The following RBM6 variants were observed in gnomAD, a reference collection of about 807,000 sequenced individuals.
RBM6 encodes the protein RNA-binding protein 6.
RBM6 carries 23 observed loss-of-function variants against 140.4 expected under a neutral mutation model. The observed-to-expected ratio is 0.16, with a 90% CI of 0.12 to 0.23. The LOEUF is 0.23. RBM6 is among the 10% of genes least tolerant of loss of function. RBM6 has a pLI of 1.00. For missense variants in RBM6, 1,139 were observed against 1,386.7 expected, an observed-to-expected ratio of 0.82 and a Z score of 2.84; for synonymous variants, 439 against 475.6, an observed-to-expected ratio of 0.92 and a Z score of 1.00.
chr3:49,992,664 T>C (rs2108713079), intron 5 of RBM6, among the ~76,000 whole-genome samples: 1 of 152,380 alleles, frequency 6.6e-6, no homozygotes, highest in Non-Finnish European at 1.5e-5. Context: ...ACTAAGAAGC[T>C]ACTTTTCTTG....
chr3:50,003,136 A>G (rs1218673493), intron 6 of RBM6, among the ~76,000 whole-genome samples: 1 of 151,870 alleles, frequency 6.6e-6, no homozygotes, highest in African/African-American at 2.4e-5. Flanking sequence ...AAAATTGAAT[A>G]AATAAATAAA....
chr3:50,005,022 G>T (rs2086510418), intron 6 of RBM6, among the ~76,000 whole-genome samples: 1 of 152,138 alleles, frequency 6.6e-6, no homozygotes, highest in Admixed American at 6.5e-5. Context: ...TTTAAACATT[G>T]ACTTTTTCTG....
At chr3:50,039,708 TAGTTGG>T (rs2088768123) in intron 6 of RBM6, among the ~76,000 whole-genome samples, 1 of 152,180 alleles carries the variant, frequency 6.6e-6, no homozygotes, top group African/African-American at 2.4e-5. Flanking sequence ...TGAGTGCTAA[TAGTTGG>T]AGTTTATAAA....
intron 20 of RBM6, 88 bp from the exon 21 acceptor site, chr3:50,076,920 A>C: frequency 7.4e-7 from 1 of 1,357,394 alleles, no homozygotes; most frequent in Non-Finnish European, 9.9e-7. Flanking sequence ...ACTGCTTCTT[A>C]CTAGTCCAGA....
chr3:49,982,321 G>T (rs563357051), intron 5 of RBM6, among the ~76,000 whole-genome samples: 2 of 130,666 alleles, frequency 1.5e-5, no homozygotes, highest in Non-Finnish European at 3.1e-5. Flanking sequence ...TTGTTGCCCA[G>T]GCTGCCCTTG....
intron 1 of RBM6, among the ~76,000 whole-genome samples, chr3:49,955,860 C>CTCTCTCTG (rs1553637396): frequency 4.4e-4 from 64 of 145,580 alleles, no homozygotes; most frequent in Middle Eastern, 3.4e-3. Flanking sequence ...CTCTCTCTCT[C>CTCTCTCTG]TGTGTGTGTG....
At chr3:50,004,474 A>ATTT (rs1182296633) in intron 6 of RBM6, among the ~76,000 whole-genome samples, 6 of 103,332 alleles carry the variant, frequency 5.8e-5, no homozygotes, top group African/African-American at 1.9e-4. Context: ...ACAGCTGGCT[A>ATTT]TTTTTTTTTT....
At chr3:50,001,544 A>G (rs1014228720) in intron 6 of RBM6, among the ~76,000 whole-genome samples, 3 of 152,174 alleles carry the variant, frequency 2.0e-5, no homozygotes, top group Non-Finnish European at 2.9e-5. Flanking sequence ...ATGTTGGAGG[A>G]TGTGTGTAGG....
chr3:49,991,151 T>G (rs1445771821), intron 5 of RBM6, among the ~76,000 whole-genome samples: 2 of 152,180 alleles, frequency 1.3e-5, no homozygotes, highest in Non-Finnish European at 2.9e-5. Context: ...TGTTTATCAG[T>G]TTTTTATAAA....
intron 1 of RBM6, among the ~76,000 whole-genome samples, 170 bp from the exon 2 acceptor site, chr3:49,962,406 T>C (rs914709402): frequency 1.3e-5 from 2 of 150,494 alleles, no homozygotes; most frequent in Admixed American, 1.3e-4. Flanking sequence ...CACTCCAGCC[T>C]GGGCGACAGA....
intron 6 of RBM6, among the ~76,000 whole-genome samples, chr3:50,000,626 T>G (rs1012534072): frequency 2.6e-5 from 4 of 151,854 alleles, no homozygotes; most frequent in Non-Finnish European, 5.9e-5. Context: ...TCCATGTTGG[T>G]CAGGCTGCTC....
chr3:50,056,872 T>C (rs2089723929), intron 8 of RBM6, among the ~76,000 whole-genome samples: 1 of 152,188 alleles, frequency 6.6e-6, no homozygotes. Context: ...ATTATGTTTA[T>C]TTGCATATAA....
intron 6 of RBM6, among the ~76,000 whole-genome samples, chr3:50,000,952 T>C (rs920609264): frequency 6.6e-6 from 1 of 152,162 alleles, no homozygotes; most frequent in East Asian, 1.9e-4. Flanking sequence ...CCTTATCTTG[T>C]TAGTAGTTTA....
intron 5 of RBM6, among the ~76,000 whole-genome samples, chr3:49,990,540 A>G (rs1005588670): frequency 2.6e-5 from 4 of 152,222 alleles, no homozygotes; most frequent in African/African-American, 9.6e-5. Flanking sequence ...ATTGTTTGTT[A>G]TAATAGAAAA....
At chr3:50,009,620 G>C (rs2086749275) in intron 6 of RBM6, among the ~76,000 whole-genome samples, 1 of 152,040 alleles carries the variant, frequency 6.6e-6, no homozygotes, top group African/African-American at 2.4e-5. Context: ...GCAGCGGCAT[G>C]ATCATGGCTC....
intron 2 of RBM6, chr3:49,962,961 G>A (rs553691380): frequency 8.9e-5 from 21 of 235,396 alleles, no homozygotes; most frequent in African/African-American, 3.0e-4. Flanking sequence ...CTAGCCGGGC[G>A]TGGTGGCGGC....
chr3:50,009,913 A>G (rs2086763434), intron 6 of RBM6, among the ~76,000 whole-genome samples: 1 of 151,106 alleles, frequency 6.6e-6, no homozygotes, highest in Non-Finnish European at 1.5e-5. Flanking sequence ...TTTGAGACAG[A>G]GTTTTGCTCT....
intron 15 of RBM6, among the ~76,000 whole-genome samples, chr3:50,064,700 C>T (rs942485703): frequency 2.6e-5 from 4 of 151,670 alleles, no homozygotes; most frequent in Admixed American, 6.6e-5. Context: ...TTACTAGAGA[C>T]GGGGTTTCAC....
In RBM6 at chr3:49,985,986, AATTATT is replaced by A. The variant is rs1034994311; in HGVS notation, c.1483+10604_1483+10609del. ...AAAATGTTATATTTTCATTTTTAAA[AATTATT>A]ATTATTATTTTGAGATGGGGTCTCA... On this transcript the variant is annotated intron_variant, in intron 5 of 20. Coordinates refer to ENST00000266022, the MANE Select transcript of RBM6 (RefSeq NM_005777.3). 2.7e-5 allele frequency among the ~76,000 whole-genome samples: 4 copies of A among 145,932 alleles called. No individual in the cohort carries two copies. In the Admixed American group the frequency reaches 2.8e-4, roughly 10 times the overall value.
Sources: allele counts gnomAD v4.1 joint callset (sites outside exome capture counted in the v4.1 genomes callset), GRCh38; gene constraint gnomAD v4.1.1; transcripts MANE v1.5; gene names NCBI Gene and HGNC (gene_info 2026-07-23, HGNC 2026-07-21).